The following NRG3 variants were observed in gnomAD, a reference collection of about 807,000 sequenced individuals.
NRG3 encodes pro-neuregulin-3, membrane-bound isoform.
In NRG3, 31 loss-of-function variants were observed where a neutral mutation model predicts 66.9. That is an observed-to-expected ratio of 0.46 (90% confidence interval 0.35 to 0.63). The LOEUF (loss-of-function observed/expected upper bound fraction) is 0.63. NRG3 is among the 20% of genes least tolerant of loss of function. The pLI, the probability that NRG3 is intolerant of heterozygous loss-of-function variation, is 0.00. For synonymous variants in NRG3, 393 were observed against 359.4 expected, an observed-to-expected ratio of 1.09 and a Z score of -1.06; for missense variants, 910 against 878.9, an observed-to-expected ratio of 1.04 and a Z score of -0.45.
chr10:81,975,250 A>G (rs915448690), intron 1 of NRG3, among the ~76,000 whole-genome samples: 1 of 152,180 alleles, frequency 6.6e-6, no homozygotes, highest in Non-Finnish European at 1.5e-5. Context: ...CTATATCAGT[A>G]GTTGAGAGGA....
chr10:81,947,054 G>A (rs116248865), intron 1 of NRG3, among the ~76,000 whole-genome samples: 76 of 152,248 alleles, frequency 5.0e-4, no homozygotes, highest in African/African-American at 1.8e-3. Flanking sequence ...TATCAGCAGT[G>A]CCATGCTGTC....
At chr10:82,155,621 T>C (rs1039820281) in intron 1 of NRG3, among the ~76,000 whole-genome samples, 3 of 151,742 alleles carry the variant, frequency 2.0e-5, no homozygotes, top group Non-Finnish European at 4.4e-5. Flanking sequence ...ATATTTATGA[T>C]GGTAGAGTGA....
chr10:82,730,436 CAG>C (rs1032338655), intron 2 of NRG3, among the ~76,000 whole-genome samples: 98 of 152,268 alleles, frequency 6.4e-4, no homozygotes, highest in African/African-American at 2.3e-3. Context: ...CAAGAAACGT[CAG>C]AGTGACATTT....
At chr10:82,639,409 G>T (rs1195332476) in intron 2 of NRG3, among the ~76,000 whole-genome samples, 1 of 152,146 alleles carries the variant, frequency 6.6e-6, no homozygotes, top group Non-Finnish European at 1.5e-5. Flanking sequence ...TGGGGATTTA[G>T]GTTTGAACAT....
At chr10:81,930,894 G>C (rs1419389123) in intron 1 of NRG3, among the ~76,000 whole-genome samples, 1 of 152,214 alleles carries the variant, frequency 6.6e-6, no homozygotes, top group Non-Finnish European at 1.5e-5. Flanking sequence ...GCTGGGGTCT[G>C]TCTGGAACTG....
intron 2 of NRG3, among the ~76,000 whole-genome samples, chr10:82,609,618 GA>G (rs1006284905): frequency 8.0e-5 from 12 of 149,254 alleles, no homozygotes; most frequent in East Asian, 3.9e-4. Context: ...GAGAAAATTG[GA>G]AAAAAAAATA....
At chr10:82,356,070 C>G (rs751474515) in intron 1 of NRG3, among the ~76,000 whole-genome samples, 19 of 152,254 alleles carry the variant, frequency 1.2e-4, no homozygotes, top group Admixed American at 3.3e-4. Flanking sequence ...CCACCCCAGA[C>G]TTTTGCAGAG....
chr10:82,385,999 A>C (rs1471846153), intron 2 of NRG3, among the ~76,000 whole-genome samples: 1 of 152,180 alleles, frequency 6.6e-6, no homozygotes, highest in Non-Finnish European at 1.5e-5. Context: ...AATGCTAGCA[A>C]GTAGTAATTC....
chr10:82,490,879 T>C (rs144655567), intron 2 of NRG3, among the ~76,000 whole-genome samples: 1 of 152,112 alleles, frequency 6.6e-6, no homozygotes, highest in Non-Finnish European at 1.5e-5. Context: ...AAACTAAATA[T>C]TTAATGGGAT....
At chr10:82,512,212 A>G (rs1845242935) in intron 2 of NRG3, among the ~76,000 whole-genome samples, 1 of 151,636 alleles carries the variant, frequency 6.6e-6, no homozygotes, top group Non-Finnish European at 1.5e-5. Context: ...TAAAATATAC[A>G]TATATAGACT....
At chr10:82,970,135 T>C (rs952727390) in intron 6 of NRG3, among the ~76,000 whole-genome samples, 1 of 152,216 alleles carries the variant, frequency 6.6e-6, no homozygotes, top group African/African-American at 2.4e-5. Flanking sequence ...TTTGAACTTT[T>C]GCAATTATGG....
At chr10:82,129,417 T>C (rs1401924242) in intron 1 of NRG3, among the ~76,000 whole-genome samples, 4 of 152,166 alleles carry the variant, frequency 2.6e-5, no homozygotes, top group Admixed American at 6.6e-5. Flanking sequence ...TTGTTTTAAT[T>C]CTTATGGGTA....
chr10:81,987,148 C>T lies in NRG3; in HGVS notation c.823+110985C>T, dbSNP rs190814562. On this transcript the variant is annotated intron_variant, in intron 1 of 8. Coordinates refer to ENST00000372141, the MANE Select transcript of NRG3 (RefSeq NM_001010848.4). Reference sequence around the variant, plus strand: ...TGTTGCCTAGGCTGGAGTGCAGTGACGCGATCTCGGCTCACAGCAACCTCT... The same window carrying T: ...TGTTGCCTAGGCTGGAGTGCAGTGATGCGATCTCGGCTCACAGCAACCTCT... Among the ~76,000 whole-genome samples, 886 of 152,090 alleles carry T rather than the reference C, an allele frequency of 5.8e-3. 5 individuals are homozygous for T. Among genetic ancestry groups the T allele is most frequent in the African/African-American group, 0.018 (760 of 41,486 alleles).
chr10:81,900,607 C>A (rs937063168), intron 1 of NRG3, among the ~76,000 whole-genome samples: 6 of 152,086 alleles, frequency 3.9e-5, no homozygotes, highest in African/African-American at 1.4e-4. Context: ...TAGCTGAATT[C>A]CTGGAAAATG....
rs144744546 is a variant in NRG3 at position 82,915,170 on chromosome 10, T to C, written c.1055-36299T>C. On this transcript the variant is annotated intron_variant, in intron 4 of 8. Transcript: ENST00000372141. Reference sequence around the variant, plus strand: ...TTTAACTTGTTTCTGACTCCAGCAATGGCTTCTGCTCCCTGTAATCTATAA... The same window carrying C: ...TTTAACTTGTTTCTGACTCCAGCAACGGCTTCTGCTCCCTGTAATCTATAA... Among the ~76,000 whole-genome samples, 468 of 152,322 alleles carry C rather than the reference T, an allele frequency of 3.1e-3. 8 individuals are homozygous for C. The highest frequency in any genetic ancestry group is 0.01 in the African/African-American group (417 of 41,576).
intron 2 of NRG3, among the ~76,000 whole-genome samples, chr10:82,474,062 A>T (rs1489341586): frequency 6.6e-6 from 1 of 152,070 alleles, no homozygotes; most frequent in Non-Finnish European, 1.5e-5. Context: ...ACAGTCCCTC[A>T]AGCCTTAAGA....
chr10:82,855,300 T>G (rs2063750127), intron 3 of NRG3, among the ~76,000 whole-genome samples: 1 of 152,178 alleles, frequency 6.6e-6, no homozygotes, highest in Non-Finnish European at 1.5e-5. Flanking sequence ...CATGGCTGTT[T>G]GCCATGTAAT....
At chr10:81,902,299 T>C (rs1006308694) in intron 1 of NRG3, among the ~76,000 whole-genome samples, 1 of 152,204 alleles carries the variant, frequency 6.6e-6, no homozygotes, top group Non-Finnish European at 1.5e-5. Context: ...GTTGCAGATA[T>C]GCTTGATGCT....
At chr10:82,239,278 G>C (rs2076902401) in intron 1 of NRG3, among the ~76,000 whole-genome samples, 1 of 152,016 alleles carries the variant, frequency 6.6e-6, no homozygotes, top group Admixed American at 6.5e-5. Context: ...GTCTTGCCCT[G>C]TTACCCAGGC....
Sources: allele counts gnomAD v4.1 joint callset (sites outside exome capture counted in the v4.1 genomes callset), GRCh38; gene constraint gnomAD v4.1.1; transcripts MANE v1.5; gene names NCBI Gene and HGNC (gene_info 2026-07-23, HGNC 2026-07-21).